MAP3K1: variants seen among roughly 807,000 people sequenced by gnomAD.
The protein encoded by MAP3K1 is MAP/ERK kinase kinase 1.
A neutral mutation model predicts 144.2 loss-of-function variants in MAP3K1; 36 were observed. The ratio of observed to expected loss-of-function variants is 0.25; its 90% CI spans 0.19 to 0.33. The LOEUF is 0.33. MAP3K1 is among the 10% of genes least tolerant of loss of function. The pLI is 1.00. For synonymous variants in MAP3K1, 718 were observed against 688.7 expected (o/e 1.04, Z -0.67); for missense variants, 1,650 against 1,881.9 (o/e 0.88, Z 2.28).
intron 3 of MAP3K1, 81 bp from the exon 4 acceptor site, chr5:56,864,653 G>C (rs1579759728): frequency 6.8e-7 from 1 of 1,468,880 alleles, no homozygotes; most frequent in Non-Finnish European, 9.5e-7. Context: ...GATTACAGGC[G>C]TGAGCCACCA....
intron 1 of MAP3K1, among the ~76,000 whole-genome samples, chr5:56,835,507 C>T (rs1056198818): frequency 6.6e-6 from 1 of 151,844 alleles, no homozygotes; most frequent in Non-Finnish European, 1.5e-5. Flanking sequence ...CAGTGGTCCG[C>T]AGTAGGGATG....
chr5:56,834,789 C>T (rs934259606), intron 1 of MAP3K1, among the ~76,000 whole-genome samples: 2 of 152,014 alleles, frequency 1.3e-5, no homozygotes, highest in Admixed American at 1.3e-4. Context: ...AGTTGACACC[C>T]CAGCCAGAAT....
chr5:56,872,825 C>T lies in MAP3K1; in HGVS notation c.1506C>T (p.Ser502=). ...CAAGTTTTGTTATTTTTCATTTTAG[C>T]CACGAGTTGTCAAGTCCTGTGGATT... ...RSKWRSHDFY[S]HELSSPVDSP... The change falls in exon 9 of 20, where the codon AGC becomes AGT. Residue 502 remains serine (S), a splice_region_variant and synonymous_variant. Transcript: ENST00000399503. 1.2e-6 allele frequency: 2 copies of T among 1,614,028 alleles called. No homozygotes were observed. Among genetic ancestry groups the T allele is most frequent in the Non-Finnish European group, 1.7e-6 (2 of 1,179,952 alleles).
chr5:56,888,059 TG>T (rs1236912313), intron 18 of MAP3K1, 166 bp from the exon 19 acceptor site: 10 of 642,422 alleles, frequency 1.6e-5, no homozygotes, highest in Non-Finnish European at 2.1e-5. Context: ...TTGTGCTACC[TG>T]GAAAATTAAG....
rs895827719 is a variant in MAP3K1, at chr5:56,882,639, G to A, written c.3439G>A (p.Val1147Ile). 3 of 1,613,962 alleles carry A rather than the reference G, an allele frequency of 1.9e-6. No homozygotes were observed. The highest frequency in any genetic ancestry group is 2.7e-5 in the African/African-American group (2 of 74,912). Residue 1147 changes from valine to isoleucine, a missense_variant, in exon 14 of 20, where the codon GTA becomes ATA. Physicochemically the swap from Val to Ile is conservative, Grantham distance 29 (BLOSUM62 3). Around this residue, in one of 6 missense-constraint regions of MAP3K1, gnomAD observed 841 missense variants for 886.5 expected, o/e 0.95. Coordinates refer to ENST00000399503, the MANE Select transcript of MAP3K1 (RefSeq NM_005921.2). ...ATCTATGCCTTCAAGTGATACAACA[G>A]TAACTTTTAAGTCAGAAGTTGCTGT... ...EASMPSSDTT[V>I]TFKSEVAVLS... is the part of the protein sequence containing the mutation.
At chr5:56,864,211 A>G (rs1037870106) in intron 3 of MAP3K1, among the ~76,000 whole-genome samples, 1 of 152,170 alleles carries the variant, frequency 6.6e-6, no homozygotes, top group Admixed American at 6.5e-5. Context: ...TCAGCCAGAT[A>G]TTTATCAACA....
rs748356370 is a variant in MAP3K1 at position 56,875,102 on chromosome 5, G to A, written c.1757G>A (p.Arg586His). The A allele has an allele frequency of 3.9e-5, 63 of 1,614,046 alleles. No homozygotes were observed. The highest frequency in any genetic ancestry group is 2.6e-4 in the South Asian group (24 of 91,090). ...AATGTGAGAGAGATGGCCCTCAGGC[G>A]TCTTTCCCATGATGTCAGTGGGGCC... ...NWNVREMALR[R>H]LSHDVSGALL... The change falls in exon 10 of 20, where the codon CGT (arginine) becomes CAT (histidine). Residue 586 changes from arginine to histidine, a missense_variant. By Grantham distance (29) the Arg-to-His change is conservative. This residue lies in a region of MAP3K1 where 841 missense variants were observed against 886.5 expected (regional missense o/e 0.95). Coordinates refer to ENST00000399503, the MANE Select transcript of MAP3K1 (RefSeq NM_005921.2).
intron 7 of MAP3K1, 141 bp from the exon 8 acceptor site, chr5:56,872,500 T>C: frequency 1.5e-6 from 1 of 657,478 alleles, no homozygotes; most frequent in Non-Finnish European, 2.7e-6. Context: ...CCTGCTGTGT[T>C]TACTTGCTTT....
chr5:56,824,545 C>G (rs1211369879), intron 1 of MAP3K1, among the ~76,000 whole-genome samples: 1 of 152,150 alleles, frequency 6.6e-6, no homozygotes, highest in African/African-American at 2.4e-5. Flanking sequence ...ACATTGCAGT[C>G]GGGGGCCACC....
At chr5:56,842,478 C>G (rs1238589113) in intron 1 of MAP3K1, among the ~76,000 whole-genome samples, 3 of 152,124 alleles carry the variant, frequency 2.0e-5, no homozygotes, top group African/African-American at 7.2e-5. Flanking sequence ...TGGACAATAC[C>G]TAGAGTAGTA....
In MAP3K1 at chr5:56,893,513, C is replaced by A. The variant is rs749701803; in HGVS notation, c.4390-18C>A. The A allele has an allele frequency of 1.2e-6, 2 of 1,613,504 alleles. No homozygotes were observed. The highest frequency in any genetic ancestry group is 2.2e-5 in the South Asian group (2 of 91,072). ...GTTACAGTTGTGCAAAGCTTCAACA[C>A]TGGCTTTTTCTCCACAGATTGCTAG... On this transcript the variant is annotated intron_variant, in intron 19 of 19. Transcript: ENST00000399503.
At chr5:56,888,841 G>T (rs1016786169) in intron 19 of MAP3K1, among the ~76,000 whole-genome samples, 1 of 152,168 alleles carries the variant, frequency 6.6e-6, no homozygotes, top group Non-Finnish European at 1.5e-5. Context: ...CTTAAAAGGG[G>T]TTTATCACGA....
rs1393650184 is a variant in MAP3K1, at chr5:56,893,514, TG to T, written c.4390-15del. On this transcript the variant is annotated splice_polypyrimidine_tract_variant and intron_variant, in intron 19 of 19. Coordinates refer to ENST00000399503, the MANE Select transcript of MAP3K1 (RefSeq NM_005921.2). ...TTACAGTTGTGCAAAGCTTCAACAC[TG>T]GCTTTTTCTCCACAGATTGCTAGTG... 1 of 1,613,586 alleles carries T rather than the reference TG, an allele frequency of 6.2e-7. No homozygotes were observed. Among genetic ancestry groups the T allele is most frequent in the East Asian group, 2.2e-5 (1 of 44,880 alleles).
At position 56,881,656 on chromosome 5, in the gene MAP3K1, T is replaced by C; in HGVS notation, c.2456T>C (p.Ile819Thr). Residue 819 changes from isoleucine (I) to threonine (T), a missense_variant, in exon 14 of 20, where the codon ATC (isoleucine) becomes ACC (threonine). Ile to Thr is a moderately conservative substitution (Grantham distance 89). Coordinates refer to ENST00000399503, the MANE Select transcript of MAP3K1 (RefSeq NM_005921.2). ...ATGGTTGGCAAACTTTCCAGAAGGA[T>C]CTACTTGAGTTCTGCAAGAATGGTT... ...HSMVGKLSRRIYLSSARMVTT... is the reference protein window; with the variant it reads ...HSMVGKLSRRTYLSSARMVTT... 1 of 1,614,034 alleles carries C rather than the reference T, an allele frequency of 6.2e-7. No individual in the cohort carries two copies. Among genetic ancestry groups the C allele is most frequent in the Non-Finnish European group, 8.5e-7 (1 of 1,179,926 alleles).
At chr5:56,855,520 G>A (rs749316286) in intron 1 of MAP3K1, among the ~76,000 whole-genome samples, 6 of 152,120 alleles carry the variant, frequency 3.9e-5, no homozygotes, top group Non-Finnish European at 8.8e-5. Flanking sequence ...TGATGCTTCA[G>A]TGAAACGGGT....
chr5:56,881,660 C>T lies in MAP3K1; in HGVS notation c.2460C>T (p.Tyr820=). Residue 820 remains tyrosine, a synonymous_variant, in exon 14 of 20, where the codon TAC becomes TAT. Coordinates refer to ENST00000399503, the MANE Select transcript of MAP3K1 (RefSeq NM_005921.2). Reference sequence around the variant, plus strand: ...TTGGCAAACTTTCCAGAAGGATCTACTTGAGTTCTGCAAGAATGGTTACTA... The same window carrying T: ...TTGGCAAACTTTCCAGAAGGATCTATTTGAGTTCTGCAAGAATGGTTACTA... ...SMVGKLSRRI[Y]LSSARMVTTV... is the part of the protein sequence containing the mutation. 1 of 1,613,992 alleles carries T rather than the reference C, an allele frequency of 6.2e-7. No individual in the cohort carries two copies. Among genetic ancestry groups the T allele is most frequent in the Non-Finnish European group, 8.5e-7 (1 of 1,179,934 alleles).
intron 10 of MAP3K1, 68 bp downstream of exon 10, chr5:56,875,378 T>A (rs1465850094): frequency 6.5e-7 from 1 of 1,532,950 alleles, no homozygotes; most frequent in Non-Finnish European, 9.0e-7. Flanking sequence ...GTAGATAGTG[T>A]TTTTAAGATA....
At chr5:56,862,083 G>C (rs1747531709) in intron 3 of MAP3K1, 1 of 152,166 alleles carries the variant, frequency 6.6e-6, no homozygotes, top group Non-Finnish European at 1.5e-5. Context: ...CGAATCTGCA[G>C]ATTGGGCAGG....
At position 56,895,761 on chromosome 5, in the gene MAP3K1, T is replaced by C. The variant is rs1032802750; in HGVS notation, c.*2081T>C. On this transcript the variant is annotated 3_prime_UTR_variant, in exon 20 of 20. Coordinates refer to ENST00000399503, the MANE Select transcript of MAP3K1 (RefSeq NM_005921.2). ...GACTGGAAATTGTATCGTGTAATTATTTTTGTGTTCTTAATGTTATTTGGT... is the reference window on the plus strand; with the variant it reads ...GACTGGAAATTGTATCGTGTAATTACTTTTGTGTTCTTAATGTTATTTGGT... The C allele has an allele frequency of 4.3e-6, 1 of 232,040 alleles. No homozygotes were observed. The highest frequency in any genetic ancestry group is 2.2e-5 in the African/African-American group (1 of 45,306). The allele number at this position is 232,040 out of a possible 1,614,324, so 14.4% of individuals were successfully genotyped here.
Sources: allele counts gnomAD v4.1 joint callset (sites outside exome capture counted in the v4.1 genomes callset), GRCh38; gene constraint gnomAD v4.1.1; regional missense constraint gnomAD v4.1.1; transcripts MANE v1.5; gene names NCBI Gene and HGNC (gene_info 2026-07-23, HGNC 2026-07-21).